The following PNPT1 variants were observed in gnomAD, a reference collection of about 807,000 sequenced individuals.
PNPT1 encodes polyribonucleotide nucleotidyltransferase 1, mitochondrial.
In PNPT1, 53 loss-of-function variants were observed where a neutral mutation model predicts 119.5. The observed-to-expected ratio is 0.44, with a 90% CI of 0.36 to 0.56. The LOEUF (loss-of-function observed/expected upper bound fraction) is 0.56, where lower values mean the gene tolerates loss of function less well. PNPT1 is among the 20% of genes least tolerant of loss of function. The pLI is 0.00. For synonymous variants in PNPT1, 357 were observed against 322.1 expected, an observed-to-expected ratio of 1.11 and a Z score of -1.16; for missense variants, 948 against 938.5, an observed-to-expected ratio of 1.01 and a Z score of -0.13.
chr2:55,641,964 C>A (rs1695846590), intron 25 of PNPT1, among the ~76,000 whole-genome samples: 1 of 151,920 alleles, frequency 6.6e-6, no homozygotes, highest in South Asian at 2.1e-4. Context: ...GCCTCAGCCT[C>A]CTGAGTAGCT....
At chr2:55,664,714 T>C (rs142552910) in intron 13 of PNPT1, among the ~76,000 whole-genome samples, 37 of 152,232 alleles carry the variant, frequency 2.4e-4, no homozygotes, top group African/African-American at 8.2e-4. Flanking sequence ...ATGGACTAAG[T>C]ACTACAGTTA....
intron 18 of PNPT1, among the ~76,000 whole-genome samples, chr2:55,649,311 A>G (rs1207884152): frequency 6.6e-6 from 1 of 152,186 alleles, no homozygotes; most frequent in Non-Finnish European, 1.5e-5. Context: ...AGAAATACAT[A>G]TATGTTCAAA....
intron 8 of PNPT1, among the ~76,000 whole-genome samples, chr2:55,673,988 G>T (rs945776892): frequency 2.6e-5 from 4 of 152,132 alleles, no homozygotes; most frequent in African/African-American, 9.7e-5. Context: ...CTCCTAAAGT[G>T]CTGGGATTAC....
chr2:55,684,980 A>G lies in PNPT1; in HGVS notation c.366T>C (p.Gly122=). The change falls in exon 4 of 28, where the codon GGT becomes GGC. Residue 122 remains glycine (G), a synonymous_variant. Transcript: ENST00000447944. The part of the protein sequence containing the change: ...IPTNYLRREI[G]TSDKEILTSR... ...TTGTTAGAATTTCTTTATCAGAAGT[A>G]CCAATCTCTCTTCTCAGATAGTTTG... 6.3e-7 allele frequency: 1 copy of G among 1,594,644 alleles called. No homozygotes were observed. Among genetic ancestry groups the G allele is most frequent in the Non-Finnish European group, 8.6e-7 (1 of 1,165,712 alleles).
chr2:55,647,458 A>G lies in PNPT1; in HGVS notation c.1496-5T>C. Reference sequence around the variant, plus strand: ...CAGCAGATGAAATTGGAACCCCTATAATTGGGAAAAAGAACAACTGTGGGT... The same window carrying G: ...CAGCAGATGAAATTGGAACCCCTATGATTGGGAAAAAGAACAACTGTGGGT... On this transcript the variant is annotated splice_polypyrimidine_tract_variant and splice_region_variant and intron_variant, in intron 18 of 27. Coordinates refer to ENST00000447944, the MANE Select transcript of PNPT1 (RefSeq NM_033109.5). 6.3e-7 allele frequency: 1 copy of G among 1,598,386 alleles called. No individual in the cohort carries two copies. Among genetic ancestry groups the G allele is most frequent in the Non-Finnish European group, 8.5e-7 (1 of 1,171,592 alleles).
At chr2:55,652,168 A>G (rs1696231698) in intron 18 of PNPT1, among the ~76,000 whole-genome samples, 1 of 134,482 alleles carries the variant, frequency 7.4e-6, no homozygotes, top group Non-Finnish European at 1.7e-5. Context: ...TCTTCAATCT[A>G]TTAGTATCTT....
At chr2:55,641,827 G>A (rs1695841771) in intron 25 of PNPT1, among the ~76,000 whole-genome samples, 2 of 150,318 alleles carry the variant, frequency 1.3e-5, no homozygotes, top group South Asian at 4.2e-4. Context: ...CAAAAAAAAT[G>A]CTTTGAGACT....
chr2:55,662,336 G>A (rs1411366144), intron 13 of PNPT1, among the ~76,000 whole-genome samples: 1 of 152,128 alleles, frequency 6.6e-6, no homozygotes, highest in Non-Finnish European at 1.5e-5. Flanking sequence ...AGTACGCTGA[G>A]GAAGCCTTAA....
At chr2:55,650,956 C>T (rs1330227614) in intron 18 of PNPT1, among the ~76,000 whole-genome samples, 2 of 149,070 alleles carry the variant, frequency 1.3e-5, no homozygotes, top group Non-Finnish European at 3.0e-5. Flanking sequence ...GGGGGATCAG[C>T]CCCCCGCCCG....
intron 11 of PNPT1, among the ~76,000 whole-genome samples, chr2:55,668,208 G>C (rs545864639): frequency 6.6e-6 from 1 of 152,292 alleles, no homozygotes; most frequent in Non-Finnish European, 1.5e-5. Context: ...ATGACTGAAT[G>C]ACAGTGCTTT....
At chr2:55,659,641 A>C (rs558440395) in intron 15 of PNPT1, among the ~76,000 whole-genome samples, 1 of 151,950 alleles carries the variant, frequency 6.6e-6, no homozygotes, top group African/African-American at 2.4e-5. Context: ...CTTATCTCTT[A>C]TCTCTCTAAA....
chr2:55,650,443 T>C (rs1029940164), intron 18 of PNPT1, among the ~76,000 whole-genome samples: 30 of 152,194 alleles, frequency 2.0e-4, no homozygotes, highest in Admixed American at 1.8e-3. Context: ...GTTCACTCCA[T>C]GCTCAATGGT....
intron 8 of PNPT1, among the ~76,000 whole-genome samples, chr2:55,678,640 G>C (rs1697157495): frequency 6.6e-6 from 1 of 152,190 alleles, no homozygotes; most frequent in Non-Finnish European, 1.5e-5. Flanking sequence ...AGAGGAGAAA[G>C]CTAAAAGGAA....
At chr2:55,671,434 T>G in intron 10 of PNPT1, 58 bp from the exon 11 acceptor site, 1 of 1,063,254 alleles carries the variant, frequency 9.4e-7, no homozygotes, top group Non-Finnish European at 1.4e-6. Flanking sequence ...AATATTTCTG[T>G]TTTCTAATTA....
intron 2 of PNPT1, among the ~76,000 whole-genome samples, chr2:55,687,338 G>T (rs1697443269): frequency 6.6e-6 from 1 of 152,088 alleles, no homozygotes; most frequent in African/African-American, 2.4e-5. Context: ...TACTCGGGAG[G>T]CTGAGGCAAA....
chr2:55,650,122 T>TGCCCTCTC, intron 18 of PNPT1, among the ~76,000 whole-genome samples: 1 of 148,020 alleles, frequency 6.8e-6, no homozygotes, highest in South Asian at 2.1e-4. Flanking sequence ...AAAAAAATCC[T>TGCCCTCTC]GCCCTCTCTC....
intron 17 of PNPT1, among the ~76,000 whole-genome samples, chr2:55,655,430 A>T (rs10460508): frequency 6.6e-6 from 1 of 151,950 alleles, no homozygotes; most frequent in Non-Finnish European, 1.5e-5. Context: ...TATCACAAAA[A>T]GTTCTATTGC....
chr2:55,693,215 G>C (rs898190041), intron 1 of PNPT1, among the ~76,000 whole-genome samples: 2 of 152,206 alleles, frequency 1.3e-5, no homozygotes, highest in Non-Finnish European at 2.9e-5. Flanking sequence ...GGACGTGGGG[G>C]ACCCGTGGTG....
chr2:55,682,533 C>A (rs1008625750), intron 5 of PNPT1, among the ~76,000 whole-genome samples: 1 of 151,994 alleles, frequency 6.6e-6, no homozygotes, highest in African/African-American at 2.4e-5. Flanking sequence ...CCATGTCATG[C>A]ACTTAAAAAA....
Sources: allele counts gnomAD v4.1 joint callset (sites outside exome capture counted in the v4.1 genomes callset), GRCh38; gene constraint gnomAD v4.1.1; transcripts MANE v1.5; gene names NCBI Gene and HGNC (gene_info 2026-07-23, HGNC 2026-07-21).